The following HSD17B7 variants were observed in gnomAD, a reference collection of about 807,000 sequenced individuals.
HSD17B7 encodes hydroxysteroid 17-beta dehydrogenase 7, also known as 3-keto-steroid reductase/17-beta-hydroxysteroid dehydrogenase 7.
HSD17B7 carries 17 observed loss-of-function variants against 34.1 expected under a neutral mutation model. That is an observed-to-expected ratio of 0.50 (90% CI 0.34 to 0.75). HSD17B7 has a LOEUF of 0.75. HSD17B7 is among the 30% of genes least tolerant of loss of function. The pLI is 0.01. For synonymous variants in HSD17B7, 122 were observed against 154.6 expected (o/e 0.79, Z 1.56); for missense variants, 296 against 406.6 (o/e 0.73, Z 2.34).
In HSD17B7 at chr1:162,799,935, C is replaced by T. The variant is rs1218394855; in HGVS notation, c.640C>T (p.Gln214Ter). 5 of 1,613,616 alleles carry T rather than the reference C, an allele frequency of 3.1e-6. No individual in the cohort carries two copies. The highest frequency in any genetic ancestry group is 4.2e-6 in the Non-Finnish European group (5 of 1,179,712). The change falls in exon 5 of 9, where the codon CAG (glutamine) becomes TAG (stop). Residue 214 changes from glutamine to a stop codon, truncating the protein, a stop_gained and splice_region_variant. Transcript: ENST00000254521. LOFTEE classifies it high-confidence loss of function. ...SVALNRNFNQ[Q>*]GLYSNVACPG... ...GGCTTTGAACAGGAACTTCAACCAG[C>T]AGGTAAGGCCTGTCTCAGTGATACG...
chr1:162,808,913 A>G (rs1432361854), intron 8 of HSD17B7, among the ~76,000 whole-genome samples: 1 of 152,198 alleles, frequency 6.6e-6, no homozygotes, highest in African/African-American at 2.4e-5. Context: ...GTAATTTGCA[A>G]ACAGGGACAA....
intron 1 of HSD17B7, among the ~76,000 whole-genome samples, 164 bp downstream of exon 1, chr1:162,790,999 C>T (rs1024829237): frequency 6.6e-6 from 1 of 150,440 alleles, no homozygotes; most frequent in African/African-American, 2.4e-5. Context: ...TCTTGAGGTG[C>T]TCAGTAACTG....
chr1:162,801,226 C>CA (rs1648803968), intron 5 of HSD17B7, among the ~76,000 whole-genome samples: 1 of 152,196 alleles, frequency 6.6e-6, no homozygotes, highest in South Asian at 2.1e-4. Flanking sequence ...CTGCCTGCCT[C>CA]AGCCTCCCAA....
At position 162,799,776 on chromosome 1, in the gene HSD17B7, G is replaced by A. The variant is rs1648743664; in HGVS notation, c.481G>A (p.Asp161Asn). The change falls in exon 5 of 9, where the codon GAC becomes AAC. Residue 161 changes from aspartate to asparagine, a missense_variant. Coordinates refer to ENST00000254521, the MANE Select transcript of HSD17B7 (RefSeq NM_016371.4). ...RELEPLLCHS[D>N]NPSQLIWTSS... ...ACTGGAGCCTCTCCTCTGTCACAGTGACAATCCATCTCAGCTCATCTGGAC... is the reference window on the plus strand; with the variant it reads ...ACTGGAGCCTCTCCTCTGTCACAGTAACAATCCATCTCAGCTCATCTGGAC... The A allele has an allele frequency of 2.5e-6, 4 of 1,613,352 alleles. No individual in the cohort carries two copies. Among genetic ancestry groups the A allele is most frequent in the Non-Finnish European group, 3.4e-6 (4 of 1,179,806 alleles).
intron 8 of HSD17B7, among the ~76,000 whole-genome samples, chr1:162,810,985 G>A (rs1296657692): frequency 6.6e-6 from 1 of 152,202 alleles, no homozygotes; most frequent in Admixed American, 6.5e-5. Flanking sequence ...ATTTGATCCT[G>A]TCATTATGAT....
Position 162,792,815 on chromosome 1 carries a change from C to T in HSD17B7, c.192C>T (p.Val64=). The T allele has an allele frequency of 6.2e-7, 1 of 1,614,192 alleles. No homozygotes were observed. The highest frequency in any genetic ancestry group is 8.5e-7 in the Non-Finnish European group (1 of 1,180,030). The change falls in exon 2 of 9, where the codon GTC becomes GTT. Residue 64 remains valine (V), a synonymous_variant. Transcript: ENST00000254521. The stretch of plus-strand genomic sequence containing the variant: ...AGGTCACCATTGTCCAGGTGGATGT[C>T]AGCAACCTGCAGTCGGTCTTCCGGG... The part of the protein sequence containing the change: ...TAEVTIVQVD[V]SNLQSVFRAS...
chr1:162,803,250 T>C, intron 5 of HSD17B7, 181 bp from the exon 6 acceptor site: 3 of 669,192 alleles, frequency 4.5e-6, no homozygotes, highest in Non-Finnish European at 6.7e-6. Context: ...CAGTGGGTTC[T>C]CTTAATACAT....
chr1:162,800,495 T>C (rs946714762), intron 5 of HSD17B7, among the ~76,000 whole-genome samples: 6 of 152,172 alleles, frequency 3.9e-5, no homozygotes, highest in African/African-American at 1.4e-4. Context: ...ATAGTGGTGG[T>C]TTTAGGTAAG....
At chr1:162,811,320 T>C (rs1325255279) in intron 8 of HSD17B7, among the ~76,000 whole-genome samples, 1 of 152,248 alleles carries the variant, frequency 6.6e-6, no homozygotes, top group Non-Finnish European at 1.5e-5. Context: ...AGAGATCCGC[T>C]GTTAGTCTGA....
rs766003194 is a variant in HSD17B7 at position 162,797,910 on chromosome 1, T to C, written c.441T>C (p.Phe147=). Residue 147 remains phenylalanine (F), a synonymous_variant, in exon 4 of 9, where the codon TTT becomes TTC. Coordinates refer to ENST00000254521, the MANE Select transcript of HSD17B7 (RefSeq NM_016371.4). ...TTGAGACCAATGTCTTTGGCCATTT[T>C]ATCCTGGTAAAGAAGCTGTGGGCTT... ...EVFETNVFGH[F]ILIRELEPLL... is the part of the protein sequence containing the mutation. 2 of 1,613,882 alleles carry C rather than the reference T, an allele frequency of 1.2e-6. No individual in the cohort carries two copies. Among genetic ancestry groups the C allele is most frequent in the Middle Eastern group, 1.7e-4 (1 of 6,056 alleles).
rs1224813931 is a variant in HSD17B7 at position 162,790,762 on chromosome 1, G to T, written c.-39G>T. 1.5e-6 allele frequency: 2 copies of T among 1,345,698 alleles called. No homozygotes were observed. Among genetic ancestry groups the T allele is most frequent in the African/African-American group, 1.4e-5 (1 of 69,970 alleles). The allele number at this position is 1,345,698 out of a possible 1,614,324, so 83.4% of individuals were successfully genotyped here. On this transcript the variant is annotated 5_prime_UTR_variant, in exon 1 of 9. Coordinates refer to ENST00000254521, the MANE Select transcript of HSD17B7 (RefSeq NM_016371.4). ...TCGTAGGACTTCCGAAAGCAGCGGCGGTGTTTGCTTCACTGCTTGGAAGTG... is the reference window on the plus strand; with the variant it reads ...TCGTAGGACTTCCGAAAGCAGCGGCTGTGTTTGCTTCACTGCTTGGAAGTG...
rs142414583 is a variant in HSD17B7, at chr1:162,795,442, G to A, written c.240-1143G>A. Among the ~76,000 whole-genome samples the A allele has an allele frequency of 7.0e-3, 1,058 of 152,222 alleles. 14 individuals are homozygous for A. The highest frequency in any genetic ancestry group is 0.024 in the African/African-American group (1,001 of 41,540). ...TGTCTTTACTAAACATTTCCTCTCC[G>A]TTCCTAGCCAAATATGTTAATATTC... On this transcript the variant is annotated intron_variant, in intron 2 of 8. Coordinates refer to ENST00000254521, the MANE Select transcript of HSD17B7 (RefSeq NM_016371.4).
chr1:162,809,665 A>G (rs147039526), intron 8 of HSD17B7, among the ~76,000 whole-genome samples: 1,716 of 151,932 alleles, frequency 0.011, 22 homozygotes, highest in African/African-American at 0.039. Context: ...GTCTATTCAG[A>G]GATTTGACCC....
At chr1:162,793,945 A>G (rs1648508181) in intron 2 of HSD17B7, among the ~76,000 whole-genome samples, 1 of 152,202 alleles carries the variant, frequency 6.6e-6, no homozygotes, top group African/African-American at 2.4e-5. Context: ...TTGGCATGTA[A>G]TAGACATTTG....
intron 1 of HSD17B7, 99 bp downstream of exon 1, chr1:162,790,934 C>T (rs1197552430): frequency 2.4e-6 from 2 of 850,704 alleles, no homozygotes; most frequent in East Asian, 5.3e-5. Flanking sequence ...AAGCGCCCGC[C>T]CCTGGCTTTG....
chr1:162,798,457 T>C (rs1648693586), intron 4 of HSD17B7: 1 of 153,126 alleles, frequency 6.5e-6, no homozygotes, highest in African/African-American at 2.4e-5. Context: ...TTAGGTGTTT[T>C]GTAGACTCTC....
At chr1:162,812,184 C>CT in intron 8 of HSD17B7, 114 bp from the exon 9 acceptor site, 1 of 1,371,870 alleles carries the variant, frequency 7.3e-7, no homozygotes, top group African/African-American at 1.5e-5. Context: ...CACCATGGCC[C>CT]TTTCCTGCTG....
At chr1:162,809,142 G>T (rs1021610034) in intron 8 of HSD17B7, among the ~76,000 whole-genome samples, 1 of 151,938 alleles carries the variant, frequency 6.6e-6, no homozygotes, top group African/African-American at 2.4e-5. Context: ...AGATATGTCC[G>T]ATCAATACCT....
intron 2 of HSD17B7, among the ~76,000 whole-genome samples, chr1:162,795,856 TGAAGAGTCTTAGA>T (rs1648588604): frequency 3.4e-5 from 1 of 29,774 alleles, no homozygotes; most frequent in Non-Finnish European, 3.3e-4. Context: ...AAGTCTTAGA[TGAAGAGTCTTAGA>T]TGAAGACTTA....
Sources: allele counts gnomAD v4.1 joint callset (sites outside exome capture counted in the v4.1 genomes callset), GRCh38; gene constraint gnomAD v4.1.1; transcripts MANE v1.5; gene names NCBI Gene and HGNC (gene_info 2026-07-23, HGNC 2026-07-21).